The following AOPEP variants were observed in gnomAD, a reference collection of about 807,000 sequenced individuals.
AOPEP encodes the protein aminopeptidase O (putative).
A neutral mutation model predicts 98.1 loss-of-function variants in AOPEP; 77 were observed. The ratio of observed to expected loss-of-function variants is 0.78; its 90% CI spans 0.65 to 0.95. AOPEP has a LOEUF of 0.95. AOPEP is among the 40% of genes least tolerant of loss of function. The probability of loss-of-function intolerance (pLI) is 0.00; values close to 1 mark genes in which losing one functional copy is unlikely to be tolerated. For synonymous variants in AOPEP, 346 were observed against 365.3 expected (o/e 0.95, Z 0.60); for missense variants, 1,024 against 1,024.7 (o/e 1.00, Z 0.01).
chr9:95,125,176 G>A, the AOPEP span: 3 of 1,614,022 alleles, frequency 1.9e-6, no homozygotes, highest in Non-Finnish European at 2.5e-6. Flanking sequence ...CGGTTTCCAG[G>A]AGTGCACACC....
the AOPEP span, chr9:95,123,765 A>T: frequency 1.4e-6 from 1 of 699,528 alleles, no homozygotes; most frequent in East Asian, 2.8e-5. Flanking sequence ...ATTCACAGCA[A>T]AGTAGTCAGG....
rs890424142 is a variant in AOPEP at position 94,818,891 on chromosome 9, C to T, written c.1364+17889C>T. Among the ~76,000 whole-genome samples, 7 of 152,166 alleles carry T rather than the reference C, an allele frequency of 4.6e-5. No homozygotes were observed. The South Asian group carries it at 1.0e-3, about 23-fold the overall frequency. Reference sequence around the variant, plus strand: ...CACCTGTAGCCCCAGCCACTCGGGACGCTGAGGCAGGAGAATGGCATGAAC... The same window carrying T: ...CACCTGTAGCCCCAGCCACTCGGGATGCTGAGGCAGGAGAATGGCATGAAC... On this transcript the variant is annotated intron_variant, in intron 5 of 16. Coordinates refer to ENST00000375315, the MANE Select transcript of AOPEP (RefSeq NM_001193329.3).
At chr9:95,126,754 C>T in the AOPEP span, 1 of 656,954 alleles carries the variant, frequency 1.5e-6, no homozygotes, top group South Asian at 1.7e-5. Flanking sequence ...CATACAAGTG[C>T]ATACGGTGGT....
At chr9:94,750,693 T>A (rs1226582401) in intron 1 of AOPEP, among the ~76,000 whole-genome samples, 1 of 152,212 alleles carries the variant, frequency 6.6e-6, no homozygotes, top group Admixed American at 6.5e-5. Flanking sequence ...GGCAGTTATT[T>A]ATATCCTGCT....
At chr9:94,827,049 G>A (rs1854782834) in intron 5 of AOPEP, among the ~76,000 whole-genome samples, 1 of 152,160 alleles carries the variant, frequency 6.6e-6, no homozygotes, top group South Asian at 2.1e-4. Context: ...AATTTGGTTT[G>A]TGGAAGAGAT....
At chr9:95,079,454 A>G (rs1312021554) in intron 14 of AOPEP, among the ~76,000 whole-genome samples, 10 of 152,238 alleles carry the variant, frequency 6.6e-5, no homozygotes, top group East Asian at 1.9e-4. Context: ...AATCACTTCT[A>G]TGTATGGCTG....
At chr9:95,038,939 A>G (rs2065058446) in intron 13 of AOPEP, among the ~76,000 whole-genome samples, 1 of 152,174 alleles carries the variant, frequency 6.6e-6, no homozygotes, top group Non-Finnish European at 1.5e-5. Context: ...TTCACAGATG[A>G]GGCGGGCTTA....
chr9:94,777,625 CTTTTTT>C (rs34067261), intron 3 of AOPEP, among the ~76,000 whole-genome samples: 28 of 94,176 alleles, frequency 3.0e-4, no homozygotes, highest in African/African-American at 1.1e-3. Context: ...ATTATATAAT[CTTTTTT>C]TTTTTTTTTT....
chr9:95,045,799 C>T (rs1473229502), intron 13 of AOPEP, among the ~76,000 whole-genome samples: 1 of 152,188 alleles, frequency 6.6e-6, no homozygotes, highest in Non-Finnish European at 1.5e-5. Flanking sequence ...GCTCCCCTAA[C>T]CCTCATTAAA....
At chr9:95,114,969 A>G in the AOPEP span, among the ~76,000 whole-genome samples, 4 of 152,118 alleles carry the variant, frequency 2.6e-5, no homozygotes, top group Non-Finnish European at 5.9e-5. Flanking sequence ...TTAAGACACG[A>G]TCTTGCTTGG....
At chr9:94,876,511 A>G (rs7864706) in intron 5 of AOPEP, among the ~76,000 whole-genome samples, 7,780 of 151,334 alleles carry the variant, frequency 0.051, 551 homozygotes, top group African/African-American at 0.16. Flanking sequence ...GACTACAGGC[A>G]CCCGCCACCA....
At chr9:94,810,564 C>T (rs978282474) in intron 5 of AOPEP, among the ~76,000 whole-genome samples, 1 of 152,176 alleles carries the variant, frequency 6.6e-6, no homozygotes, top group African/African-American at 2.4e-5. Flanking sequence ...ATCCACCCAC[C>T]TCAGCCCCCC....
At chr9:94,734,148 C>T (rs983889513) in intron 1 of AOPEP, among the ~76,000 whole-genome samples, 10 of 152,148 alleles carry the variant, frequency 6.6e-5, no homozygotes, top group African/African-American at 1.2e-4. Flanking sequence ...CAGTGCTCCC[C>T]GCCGAGTTTA....
chr9:94,849,510 T>C (rs1420825261), intron 5 of AOPEP, among the ~76,000 whole-genome samples: 1 of 151,070 alleles, frequency 6.6e-6, no homozygotes, highest in Non-Finnish European at 1.5e-5. Flanking sequence ...TTCTTTCTTT[T>C]TTTTTTTTTG....
chr9:94,780,976 G>A (rs1373676222), intron 3 of AOPEP, among the ~76,000 whole-genome samples: 1 of 152,146 alleles, frequency 6.6e-6, no homozygotes, highest in Admixed American at 6.5e-5. Flanking sequence ...AGATCTCTGG[G>A]TCCTTGCTTC....
the AOPEP span, among the ~76,000 whole-genome samples, chr9:95,149,649 T>G: frequency 7.9e-5 from 12 of 152,074 alleles, no homozygotes; most frequent in African/African-American, 2.4e-4. Context: ...TGACTAATTT[T>G]TGCATTTTTA....
At chr9:95,044,537 T>TCCA (rs1375700531) in intron 13 of AOPEP, among the ~76,000 whole-genome samples, 5 of 152,178 alleles carry the variant, frequency 3.3e-5, no homozygotes, top group African/African-American at 9.7e-5. Flanking sequence ...GTAAAACCCA[T>TCCA]GAAGCAAATT....
intron 11 of AOPEP, among the ~76,000 whole-genome samples, chr9:94,981,541 C>T (rs958576919): frequency 6.6e-6 from 1 of 152,162 alleles, no homozygotes; most frequent in African/African-American, 2.4e-5. Context: ...CTCTTCTACC[C>T]ATTTCGGCCA....
intron 5 of AOPEP, among the ~76,000 whole-genome samples, chr9:94,805,211 T>C (rs1231793109): frequency 4.0e-5 from 6 of 151,820 alleles, no homozygotes; most frequent in Admixed American, 3.9e-4. Context: ...CTATACCATC[T>C]CCCGACTGGC....
Sources: allele counts gnomAD v4.1 joint callset (sites outside exome capture counted in the v4.1 genomes callset), GRCh38; gene constraint gnomAD v4.1.1; transcripts MANE v1.5; gene names NCBI Gene and HGNC (gene_info 2026-07-23, HGNC 2026-07-21).